The following MLF1 variants were observed in gnomAD, a reference collection of about 807,000 sequenced individuals.
MLF1 encodes the protein myelodysplasia-myeloid leukemia factor 1.
In MLF1, 37 loss-of-function variants were observed where a neutral mutation model predicts 38.3. The ratio of observed to expected loss-of-function variants is 0.96; its 90% CI spans 0.74 to 1.27. The LOEUF (loss-of-function observed/expected upper bound fraction) is 1.27. MLF1 is among the 50% of genes most tolerant of loss of function. MLF1 has a pLI of 0.00. For synonymous variants in MLF1, 95 were observed against 106.5 expected, an observed-to-expected ratio of 0.89 and a Z score of 0.66; for missense variants, 331 against 349.2, an observed-to-expected ratio of 0.95 and a Z score of 0.42.
At position 158,596,946 on chromosome 3, in the gene MLF1, G is replaced by C; in HGVS notation, c.324+1G>C. 1 of 1,578,398 alleles carries C rather than the reference G, an allele frequency of 6.3e-7. No homozygotes were observed. Among genetic ancestry groups the C allele is most frequent in the Non-Finnish European group, 8.7e-7 (1 of 1,151,124 alleles). On this transcript the variant is annotated splice_donor_variant, in intron 4 of 7. Coordinates refer to ENST00000466246, the MANE Select transcript of MLF1 (RefSeq NM_001369783.1). LOFTEE classifies it high-confidence loss of function. ...TATGCAGAAATTAGAAAGAAACTTC[G>C]TAAGTACTAAAAACAAAGCATTGAG...
At chr3:158,592,035 T>C (rs922450643) in intron 1 of MLF1, among the ~76,000 whole-genome samples, 9 of 152,180 alleles carry the variant, frequency 5.9e-5, no homozygotes, top group Non-Finnish European at 1.0e-4. Flanking sequence ...CATCAGAACA[T>C]ACACATTAGT....
At chr3:158,584,368 G>T (rs1716876698) in intron 1 of MLF1, among the ~76,000 whole-genome samples, 1 of 152,116 alleles carries the variant, frequency 6.6e-6, no homozygotes, top group Non-Finnish European at 1.5e-5. Context: ...GACCTTTAAG[G>T]CTAACCAGAT....
intron 1 of MLF1, among the ~76,000 whole-genome samples, chr3:158,587,390 C>T (rs1477200123): frequency 3.3e-5 from 5 of 152,302 alleles, no homozygotes; most frequent in African/African-American, 4.8e-5. Flanking sequence ...GCGTAGGTAA[C>T]CAGCTCCAGG....
intron 3 of MLF1, among the ~76,000 whole-genome samples, chr3:158,594,734 G>A (rs1372374469): frequency 6.6e-6 from 1 of 152,138 alleles, no homozygotes; most frequent in Non-Finnish European, 1.5e-5. Context: ...CAGGGTTGAA[G>A]GAGCAGTAGA....
intron 1 of MLF1, among the ~76,000 whole-genome samples, chr3:158,578,505 AACACACACAC>A (rs112630390): frequency 5.4e-5 from 8 of 147,284 alleles, no homozygotes; most frequent in Admixed American, 6.8e-5. Context: ...CATACATACA[AACACACACAC>A]ACACACACAC....
At chr3:158,599,596 T>C (rs1719438704) in intron 5 of MLF1, among the ~76,000 whole-genome samples, 2 of 152,152 alleles carry the variant, frequency 1.3e-5, no homozygotes, top group South Asian at 2.1e-4. Flanking sequence ...AATATTCTTA[T>C]AATACTTCCA....
chr3:158,605,028 G>T, intron 7 of MLF1, 69 bp from the exon 8 acceptor site: 1 of 1,127,586 alleles, frequency 8.9e-7, no homozygotes, highest in South Asian at 1.5e-5. Context: ...TTTTTAACAT[G>T]TTTGTATTGA....
chr3:158,592,410 C>T, intron 1 of MLF1, 24 bp from the exon 2 acceptor site: 1 of 1,580,690 alleles, frequency 6.3e-7, no homozygotes. Flanking sequence ...CTGAATCTTT[C>T]ATGATTATGT....
chr3:158,584,644 A>G (rs1461070319), intron 1 of MLF1, among the ~76,000 whole-genome samples: 1 of 148,796 alleles, frequency 6.7e-6, no homozygotes, highest in African/African-American at 2.5e-5. Context: ...AGGATATTTA[A>G]TCTCCATAAA....
chr3:158,578,713 G>T (rs1425065617), intron 1 of MLF1, among the ~76,000 whole-genome samples: 2 of 152,116 alleles, frequency 1.3e-5, no homozygotes, highest in Non-Finnish European at 2.9e-5. Flanking sequence ...TTTGGTTGTG[G>T]TTTGTGTGAG....
At chr3:158,580,094 A>G (rs534965267) in intron 1 of MLF1, among the ~76,000 whole-genome samples, 10 of 152,168 alleles carry the variant, frequency 6.6e-5, no homozygotes, top group Admixed American at 2.6e-4. Context: ...TCATTTGTGC[A>G]TTTTAGAACT....
intron 1 of MLF1, among the ~76,000 whole-genome samples, chr3:158,581,503 TG>T (rs1313729740): frequency 6.6e-6 from 1 of 152,190 alleles, no homozygotes; most frequent in Non-Finnish European, 1.5e-5. Context: ...TAAGGCACAC[TG>T]GTGAAGTTTA....
At position 158,598,207 on chromosome 3, in the gene MLF1, G is replaced by C. The variant is rs1301089503; in HGVS notation, c.452G>C (p.Gly151Ala). The C allele has an allele frequency of 1.9e-6, 3 of 1,610,510 alleles. No individual in the cohort carries two copies. The highest frequency in any genetic ancestry group is 2.5e-6 in the Non-Finnish European group (3 of 1,178,970). ...ACTCAAACTCGTCGAGCTCCAGGAG[G>C]AGTAAGTTTTCTATAAGCATTCCTA... Reference protein sequence around the residue: ...ASTQTRRAPGGIKETRKAMRD... With the variant: ...ASTQTRRAPGAIKETRKAMRD... Residue 151 changes from glycine to alanine, a missense_variant and splice_region_variant, in exon 5 of 8, where the codon GGA becomes GCA. Coordinates refer to ENST00000466246, the MANE Select transcript of MLF1 (RefSeq NM_001369783.1).
chr3:158,582,998 A>G lies in MLF1; in HGVS notation c.48-9436A>G, dbSNP rs187413009. The G allele has an allele frequency of 2.1e-4, 127 of 603,422 alleles. 1 individual carries two copies. The African/African-American group carries it at 2.1e-3, about 10-fold the overall frequency. The allele number at this position is 603,422 out of a possible 1,614,324, so 37.4% of individuals were successfully genotyped here. On this transcript the variant is annotated intron_variant, in intron 1 of 7. Transcript: ENST00000466246. Reference sequence around the variant, plus strand: ...TAGATAACAGTTTGTTCAAATAATAATAGGCACACACACATTTAATGGATT... The same window carrying G: ...TAGATAACAGTTTGTTCAAATAATAGTAGGCACACACACATTTAATGGATT...
chr3:158,604,301 A>G (rs940141022), intron 7 of MLF1, among the ~76,000 whole-genome samples: 5 of 152,218 alleles, frequency 3.3e-5, no homozygotes, highest in African/African-American at 1.2e-4. Context: ...CATGCTCTTT[A>G]TGGATGACCT....
intron 1 of MLF1, among the ~76,000 whole-genome samples, chr3:158,588,420 G>A (rs373299663): frequency 1.3e-5 from 2 of 152,010 alleles, no homozygotes; most frequent in African/African-American, 2.4e-5. Flanking sequence ...TGGCTAACAC[G>A]GTGAAACCCC....
At chr3:158,600,510 AATAATCC>A in intron 6 of MLF1, among the ~76,000 whole-genome samples, 1 of 149,564 alleles carries the variant, frequency 6.7e-6, no homozygotes, top group East Asian at 1.9e-4. Context: ...TAAAGACAAA[AATAATCC>A]ATAATCCAAA....
At chr3:158,586,604 A>C (rs1717292820) in intron 1 of MLF1, among the ~76,000 whole-genome samples, 1 of 152,212 alleles carries the variant, frequency 6.6e-6, no homozygotes, top group Admixed American at 6.5e-5. Flanking sequence ...AGAGAGACTG[A>C]ACTAGAATGC....
intron 1 of MLF1, among the ~76,000 whole-genome samples, chr3:158,586,888 T>C (rs963624512): frequency 6.6e-6 from 1 of 152,258 alleles, no homozygotes; most frequent in African/African-American, 2.4e-5. Flanking sequence ...AATTTATATT[T>C]TGAGTACTTT....
Sources: allele counts gnomAD v4.1 joint callset (sites outside exome capture counted in the v4.1 genomes callset), GRCh38; gene constraint gnomAD v4.1.1; transcripts MANE v1.5; gene names NCBI Gene and HGNC (gene_info 2026-07-23, HGNC 2026-07-21).